The following GRIK4 variants were observed in gnomAD, a reference collection of about 807,000 sequenced individuals.
The protein encoded by GRIK4 is glutamate receptor ionotropic, kainate 4.
A neutral mutation model predicts 104.9 loss-of-function variants in GRIK4; 40 were observed. That is an observed-to-expected ratio of 0.38 (90% CI 0.30 to 0.50). GRIK4 has a LOEUF of 0.50. Ranked by LOEUF, GRIK4 falls within the 20% of genes least tolerant of loss-of-function variation. The probability of loss-of-function intolerance (pLI) is 0.93; values close to 1 mark genes in which losing one functional copy is unlikely to be tolerated. For missense variants in GRIK4, 1,047 were observed against 1,308.1 expected (o/e 0.80, Z 3.08); for synonymous variants, 485 against 524.9 (o/e 0.92, Z 1.04).
At chr11:120,889,626 T>C (rs1378705033) in intron 11 of GRIK4, among the ~76,000 whole-genome samples, 1 of 111,256 alleles carries the variant, frequency 9.0e-6, no homozygotes, top group Non-Finnish European at 1.8e-5. Context: ...TTTTATGAGA[T>C]GGAGTTTTAC....
chr11:120,800,313 G>A (rs1952599396), intron 3 of GRIK4, among the ~76,000 whole-genome samples: 1 of 152,196 alleles, frequency 6.6e-6, no homozygotes, highest in Admixed American at 6.5e-5. Flanking sequence ...GAGCCCAGGG[G>A]CCTGCCAGGG....
chr11:120,883,925 C>G (rs1278158177), intron 11 of GRIK4, among the ~76,000 whole-genome samples: 1 of 152,224 alleles, frequency 6.6e-6, no homozygotes, highest in Non-Finnish European at 1.5e-5. Context: ...AATTCGGTCT[C>G]AGGAAGCAGC....
intron 4 of GRIK4, among the ~76,000 whole-genome samples, chr11:120,809,853 G>A (rs1203611644): frequency 6.6e-6 from 1 of 152,134 alleles, no homozygotes; most frequent in African/African-American, 2.4e-5. Context: ...ATTGCTTGAC[G>A]CCAAGAGTTC....
At chr11:120,660,449 G>T in intron 3 of GRIK4, 49 bp downstream of exon 3, 1 of 1,385,402 alleles carries the variant, frequency 7.2e-7, no homozygotes, top group Non-Finnish European at 1.0e-6. Context: ...TATCCCAGGT[G>T]TCCACAAGGG....
In GRIK4 at chr11:120,844,034, C is replaced by T. The variant is rs144990968; in HGVS notation, c.744+7190C>T. On this transcript the variant is annotated intron_variant, in intron 8 of 20. Coordinates refer to ENST00000527524, the MANE Select transcript of GRIK4 (RefSeq NM_014619.5). ...GCAGCCAATTTTCCTCCCCTGGGTT[C>T]GTTTTATTGTCAGTAGACCTGAGCC... Among the ~76,000 whole-genome samples the T allele has an allele frequency of 1.2e-4, 18 of 152,216 alleles. 1 individual carries two copies. The highest frequency in any genetic ancestry group is 6.8e-3 in the Middle Eastern group (2 of 294).
At chr11:120,551,418 G>A (rs1038821440) in intron 1 of GRIK4, among the ~76,000 whole-genome samples, 1 of 152,174 alleles carries the variant, frequency 6.6e-6, no homozygotes, top group African/African-American at 2.4e-5. Flanking sequence ...GCAGAGAGAG[G>A]CCAAGAAGAA....
chr11:120,934,435 G>A (rs1413209726), intron 13 of GRIK4, among the ~76,000 whole-genome samples: 6 of 152,104 alleles, frequency 3.9e-5, no homozygotes, highest in Non-Finnish European at 8.8e-5. Context: ...CCAGGCAGAC[G>A]CAGACCACAG....
chr11:120,949,151 T>C (rs1046574349), intron 14 of GRIK4, among the ~76,000 whole-genome samples: 2 of 152,178 alleles, frequency 1.3e-5, no homozygotes, highest in Non-Finnish European at 1.5e-5. Flanking sequence ...CAACAGATTG[T>C]TTTTAAGGAT....
At chr11:120,847,456 A>G (rs953629983) in intron 8 of GRIK4, among the ~76,000 whole-genome samples, 6 of 152,220 alleles carry the variant, frequency 3.9e-5, no homozygotes, top group African/African-American at 1.2e-4. Flanking sequence ...CCTCCAGACT[A>G]GCCTGGCAGG....
At chr11:120,827,354 C>G (rs960398546) in intron 6 of GRIK4, among the ~76,000 whole-genome samples, 1 of 152,192 alleles carries the variant, frequency 6.6e-6, no homozygotes, top group Non-Finnish European at 1.5e-5. Context: ...AACAGCCTGC[C>G]TGCCGACTCT....
At chr11:120,854,853 G>T (rs1954063318) in intron 8 of GRIK4, among the ~76,000 whole-genome samples, 1 of 152,058 alleles carries the variant, frequency 6.6e-6, no homozygotes, top group Non-Finnish European at 1.5e-5. Context: ...GAAATTAAAA[G>T]ATTTTTTTTT....
chr11:120,887,024 A>G (rs2135717842), intron 11 of GRIK4, among the ~76,000 whole-genome samples: 1 of 152,358 alleles, frequency 6.6e-6, no homozygotes, highest in South Asian at 2.1e-4. Flanking sequence ...ACCTACAGGA[A>G]CAGTATATTC....
Position 120,831,531 on chromosome 11 carries a change from C to T in GRIK4, c.512-321C>T, listed in dbSNP as rs573003332. Reference sequence around the variant, plus strand: ...CTTGGTCTCTGTGCATCCTATCCGGCTTTCGAGGGTGGTGGGGAGGAGGGG... The same window carrying T: ...CTTGGTCTCTGTGCATCCTATCCGGTTTTCGAGGGTGGTGGGGAGGAGGGG... On this transcript the variant is annotated intron_variant, in intron 6 of 20. Transcript: ENST00000527524. Among the ~76,000 whole-genome samples, 8 of 152,256 alleles carry T rather than the reference C, an allele frequency of 5.3e-5. 1 individual carries two copies. Among genetic ancestry groups the T allele is most frequent in the African/African-American group, 1.9e-4 (8 of 41,552 alleles).
At chr11:120,675,370 C>T (rs1483978858) in intron 3 of GRIK4, among the ~76,000 whole-genome samples, 1 of 152,146 alleles carries the variant, frequency 6.6e-6, no homozygotes, top group Non-Finnish European at 1.5e-5. Flanking sequence ...CTAGTCTGGC[C>T]TGGATCCAAA....
Position 120,986,101 on chromosome 11 carries a change from ACTGGCGCAGGAG to A in GRIK4, c.2713_2724del (p.Leu905_Glu908del), listed in dbSNP as rs948892100. 1 of 1,513,564 alleles carries A rather than the reference ACTGGCGCAGGAG, an allele frequency of 6.6e-7. No individual in the cohort carries two copies. Among genetic ancestry groups the A allele is most frequent in the Non-Finnish European group, 8.8e-7 (1 of 1,137,882 alleles). 93.8% of individuals were successfully genotyped at this position (1,513,564 alleles called of 1,614,324 possible). A position where few individuals can be genotyped will look rare whatever the true frequency, so the allele number is the denominator to read the frequency against. On this transcript the variant is annotated inframe_deletion, in exon 21 of 21. Coordinates refer to ENST00000527524, the MANE Select transcript of GRIK4 (RefSeq NM_014619.5). ...GGGAGCCCGACCAGCTCGCGCAGAG[ACTGGCGCAGGAG>A]GCCGCCCTGGTGGCCCGCGGCTGCA...
intron 1 of GRIK4, among the ~76,000 whole-genome samples, chr11:120,647,902 A>C (rs764356290): frequency 1.3e-5 from 2 of 152,070 alleles, no homozygotes; most frequent in African/African-American, 2.4e-5. Context: ...GCCAGTGCCC[A>C]GCATGGAGCT....
At chr11:120,962,840 A>T (rs911574119) in intron 18 of GRIK4, 159 bp downstream of exon 18, 154 of 454,176 alleles carry the variant, frequency 3.4e-4, no homozygotes, top group Middle Eastern at 1.2e-3. Flanking sequence ...TTTTTTTTTT[A>T]AAGCAAACAC....
chr11:120,753,774 G>GT (rs1424169253), intron 3 of GRIK4, among the ~76,000 whole-genome samples: 3 of 152,038 alleles, frequency 2.0e-5, no homozygotes, highest in Non-Finnish European at 4.4e-5. Context: ...TTTTTGTTTT[G>GT]TTTTTTAAAC....
chr11:120,837,982 C>T (rs889481269), intron 8 of GRIK4, among the ~76,000 whole-genome samples: 3 of 152,206 alleles, frequency 2.0e-5, no homozygotes, highest in East Asian at 1.9e-4. Context: ...AACTGGGCAA[C>T]GAGGTGTCGC....
Sources: allele counts gnomAD v4.1 joint callset (sites outside exome capture counted in the v4.1 genomes callset), GRCh38; gene constraint gnomAD v4.1.1; transcripts MANE v1.5; gene names NCBI Gene and HGNC (gene_info 2026-07-23, HGNC 2026-07-21).